The following RAB3C variants were observed in gnomAD, a reference collection of about 807,000 sequenced individuals.
RAB3C encodes ras-related protein Rab-3C.
Under a neutral mutation model 26.4 loss-of-function variants are expected in RAB3C, and 17 were observed. That is an observed-to-expected ratio of 0.64 (90% CI 0.44 to 0.97). The LOEUF (loss-of-function observed/expected upper bound fraction) is 0.97. RAB3C is among the 50% of genes least tolerant of loss of function. The pLI is 0.00. For missense variants in RAB3C, 242 were observed against 281.9 expected, an observed-to-expected ratio of 0.86 and a Z score of 1.01; for synonymous variants, 91 against 95.9, an observed-to-expected ratio of 0.95 and a Z score of 0.30.
chr5:58,812,348 T>C (rs191657437), intron 3 of RAB3C, among the ~76,000 whole-genome samples: 3 of 152,070 alleles, frequency 2.0e-5, no homozygotes, highest in Non-Finnish European at 4.4e-5. Flanking sequence ...TGGTGCTTGT[T>C]GGAAAAGCAG....
intron 2 of RAB3C, among the ~76,000 whole-genome samples, chr5:58,639,475 C>T (rs1421749766): frequency 1.3e-5 from 2 of 152,082 alleles, no homozygotes; most frequent in East Asian, 3.9e-4. Context: ...GGCTCTCTTC[C>T]TGGTTTGTAG....
At chr5:58,717,394 A>G (rs990875140) in intron 2 of RAB3C, among the ~76,000 whole-genome samples, 6 of 152,046 alleles carry the variant, frequency 3.9e-5, no homozygotes, top group Non-Finnish European at 8.8e-5. Context: ...CCTGATGTGC[A>G]ATTACAATTC....
chr5:58,847,719 A>T (rs1183484605), intron 4 of RAB3C, among the ~76,000 whole-genome samples: 1 of 152,190 alleles, frequency 6.6e-6, no homozygotes, highest in African/African-American at 2.4e-5. Flanking sequence ...ACATCCCTGT[A>T]CCCCAAATCT....
chr5:58,825,011 G>A (rs1404654789), intron 3 of RAB3C, 27 bp from the exon 4 acceptor site: 1 of 1,534,248 alleles, frequency 6.5e-7, no homozygotes, highest in Admixed American at 1.7e-5. Context: ...TCCTCTGATT[G>A]TGTCATGCTT....
rs1283141862 is a variant in RAB3C, at chr5:58,797,359, T to A, written c.372-27679T>A. On this transcript the variant is annotated intron_variant, in intron 3 of 4. Transcript: ENST00000282878. ...GAAGACAAAAAAAAAAAAAAATATG[T>A]ATATATATAATATATATATATATAT... is the stretch of plus-strand genomic sequence containing the variant. 3.9e-3 allele frequency among the ~76,000 whole-genome samples: 66 copies of A among 17,070 alleles called. 1 individual carries two copies. The highest frequency in any genetic ancestry group is 0.015 in the African/African-American group (23 of 1,554). The allele number at this position is 17,070 out of a possible 152,430, so 11.2% of individuals were successfully genotyped here.
In RAB3C at chr5:58,851,135, C is replaced by T. The variant is rs150894702; in HGVS notation, c.497-29C>T. The T allele has an allele frequency of 3.8e-6, 6 of 1,563,326 alleles. No homozygotes were observed. The African/African-American group carries it at 6.9e-5, about 18-fold the overall frequency. On this transcript the variant is annotated intron_variant, in intron 4 of 4. Transcript: ENST00000282878. ...TTTAATTTCAGAAATGCAAAATAACCAAGATGTGTTTCTGTGTGTTTCTTC... is the reference window on the plus strand; with the variant it reads ...TTTAATTTCAGAAATGCAAAATAACTAAGATGTGTTTCTGTGTGTTTCTTC...
intron 3 of RAB3C, among the ~76,000 whole-genome samples, chr5:58,787,934 T>A (rs1251497853): frequency 6.6e-6 from 1 of 152,194 alleles, no homozygotes; most frequent in Non-Finnish European, 1.5e-5. Context: ...TAAACAGACA[T>A]CAAGACTTTT....
intron 3 of RAB3C, among the ~76,000 whole-genome samples, chr5:58,733,941 G>A (rs1190590533): frequency 1.3e-5 from 2 of 152,154 alleles, no homozygotes; most frequent in Non-Finnish European, 2.9e-5. Context: ...TCCTGTAGAA[G>A]AATATCATTG....
intron 2 of RAB3C, among the ~76,000 whole-genome samples, chr5:58,724,845 C>T (rs903972805): frequency 6.6e-6 from 1 of 151,626 alleles, no homozygotes; most frequent in African/African-American, 2.4e-5. Flanking sequence ...ACTCCATCCT[C>T]CCACATTCTG....
intron 2 of RAB3C, among the ~76,000 whole-genome samples, chr5:58,624,980 C>T (rs1336764773): frequency 6.6e-6 from 1 of 152,106 alleles, no homozygotes; most frequent in East Asian, 1.9e-4. Context: ...CTAATCCTCA[C>T]AAAAACCCTG....
intron 3 of RAB3C, among the ~76,000 whole-genome samples, chr5:58,813,402 T>C (rs1196623494): frequency 6.6e-6 from 1 of 151,804 alleles, no homozygotes; most frequent in Non-Finnish European, 1.5e-5. Flanking sequence ...GCCTCCAGTC[T>C]GCCTTTCATG....
chr5:58,787,550 T>G (rs1195905995), intron 3 of RAB3C, among the ~76,000 whole-genome samples: 1 of 152,200 alleles, frequency 6.6e-6, no homozygotes, highest in Admixed American at 6.5e-5. Flanking sequence ...TATGGAGAGT[T>G]TACGCTCTTT....
rs1744170103 is a variant in RAB3C, at chr5:58,853,836, A to G, written c.*2485A>G. The G allele has an allele frequency of 6.6e-6, 1 of 152,144 alleles. No homozygotes were observed. The highest frequency in any genetic ancestry group is 1.5e-5 in the Non-Finnish European group (1 of 68,026). 9.4% of individuals were successfully genotyped at this position (152,144 alleles called of 1,614,324 possible). On this transcript the variant is annotated 3_prime_UTR_variant, in exon 5 of 5. Coordinates refer to ENST00000282878, the MANE Select transcript of RAB3C (RefSeq NM_138453.4). ...CCAAATAATTCAATGAGAGGTTTCC[A>G]GAGAAACAGTCACAGAGCTCAAGAG...
At chr5:58,607,941 A>G (rs374462410) in intron 1 of RAB3C, among the ~76,000 whole-genome samples, 6 of 152,318 alleles carry the variant, frequency 3.9e-5, no homozygotes, top group Admixed American at 6.5e-5. Flanking sequence ...AGCACTAAAC[A>G]TGGAAGGAAA....
intron 2 of RAB3C, among the ~76,000 whole-genome samples, chr5:58,652,929 T>C (rs990608639): frequency 6.6e-6 from 1 of 152,208 alleles, no homozygotes; most frequent in Admixed American, 6.5e-5. Flanking sequence ...TTGGGTTTTT[T>C]AAAAATCACG....
At chr5:58,803,576 T>C (rs2675394) in intron 3 of RAB3C, among the ~76,000 whole-genome samples, 74,441 of 152,006 alleles carry the variant, frequency 0.49, 18,599 homozygotes, top group Middle Eastern at 0.68. Flanking sequence ...CATGAACAGC[T>C]TGTTCTGCAA....
chr5:58,665,731 C>A (rs1394464211), intron 2 of RAB3C, among the ~76,000 whole-genome samples: 1 of 152,130 alleles, frequency 6.6e-6, no homozygotes, highest in African/African-American at 2.4e-5. Context: ...CCGTGTTACT[C>A]ATTTTCTATC....
At chr5:58,756,387 CAT>C (rs71604764) in intron 3 of RAB3C, among the ~76,000 whole-genome samples, 3,979 of 131,972 alleles carry the variant, frequency 0.03, 157 homozygotes, top group African/African-American at 0.097. Context: ...TACTATATAA[CAT>C]ATATATATAT....
intron 2 of RAB3C, among the ~76,000 whole-genome samples, chr5:58,621,329 A>G (rs991395147): frequency 1.3e-5 from 2 of 152,180 alleles, no homozygotes; most frequent in African/African-American, 4.8e-5. Context: ...AACTGTTTCT[A>G]AGTTAGGAAA....
Sources: gnomAD v4.1 joint callset for allele counts (sites outside exome capture counted in the v4.1 genomes callset) on GRCh38, gnomAD v4.1.1 for gene constraint, MANE v1.5 for transcripts, NCBI Gene and HGNC (gene_info 2026-07-23, HGNC 2026-07-21) for gene names.